PIGU: variants seen among roughly 807,000 people sequenced by gnomAD.
PIGU encodes the protein GPI-anchor transamidase component PIGU.
A neutral mutation model predicts 49.9 loss-of-function variants in PIGU; 24 were observed. That is an observed-to-expected ratio of 0.48 (90% CI 0.35 to 0.68). The LOEUF (loss-of-function observed/expected upper bound fraction) is 0.68. PIGU is among the 30% of genes least tolerant of loss of function. The pLI, the probability that PIGU is intolerant of heterozygous loss-of-function variation, is 0.01. For missense variants in PIGU, 490 were observed against 532.6 expected (o/e 0.92, Z 0.79); for synonymous variants, 220 against 205.7 (o/e 1.07, Z -0.59).
At chr20:34,625,712 CAAAA>C (rs536868098) in intron 6 of PIGU, among the ~76,000 whole-genome samples, 3 of 84,314 alleles carry the variant, frequency 3.6e-5, no homozygotes, top group Admixed American at 1.4e-4. Flanking sequence ...GACTCTGTCT[CAAAA>C]AAAAAAAAAA....
At chr20:34,658,432 G>A (rs1242060480) in intron 1 of PIGU, among the ~76,000 whole-genome samples, 2 of 152,186 alleles carry the variant, frequency 1.3e-5, no homozygotes, top group Admixed American at 6.5e-5. Context: ...GGGAAGTGAG[G>A]AGCATCTCTG....
intron 8 of PIGU, 104 bp downstream of exon 8, chr20:34,588,349 C>A: frequency 3.0e-6 from 3 of 1,016,354 alleles, no homozygotes; most frequent in Non-Finnish European, 4.1e-6. Context: ...AATGTTCATA[C>A]AGTTTTCCAT....
At chr20:34,661,556 T>C (rs1405382816) in intron 1 of PIGU, among the ~76,000 whole-genome samples, 1 of 152,152 alleles carries the variant, frequency 6.6e-6, no homozygotes, top group African/African-American at 2.4e-5. Context: ...TCTTTTTTTT[T>C]TTTTAATGCT....
intron 1 of PIGU, among the ~76,000 whole-genome samples, chr20:34,659,749 T>C (rs1473071593): frequency 2.0e-5 from 3 of 152,216 alleles, no homozygotes; most frequent in Non-Finnish European, 2.9e-5. Context: ...TCTGTGACCT[T>C]ACCCCCAACC....
rs577060793 is a variant in PIGU, at chr20:34,592,115, G to A, written c.628-3508C>T. Among the ~76,000 whole-genome samples the A allele has an allele frequency of 5.5e-4, 84 of 151,898 alleles. No individual in the cohort carries two copies. The South Asian group carries it at 5.8e-3, about 11-fold the overall frequency. On this transcript the variant is annotated intron_variant, in intron 7 of 11. Coordinates refer to ENST00000217446, the MANE Select transcript of PIGU (RefSeq NM_080476.5). ...GAGGCAGGAGAATGGCGTGAACCTG[G>A]GAGGTGGAGCTTGCAGTGAGCCGAG...
At chr20:34,607,788 C>T (rs1229852310) in intron 7 of PIGU, among the ~76,000 whole-genome samples, 1 of 152,188 alleles carries the variant, frequency 6.6e-6, no homozygotes, top group African/African-American at 2.4e-5. Context: ...GAGTTGTGCA[C>T]AGAGTCTGTG....
At chr20:34,612,493 C>T (rs553611571) in intron 7 of PIGU, among the ~76,000 whole-genome samples, 9 of 151,718 alleles carry the variant, frequency 5.9e-5, no homozygotes, top group Admixed American at 5.3e-4. Flanking sequence ...AACAAACCTG[C>T]GCATTCAGCA....
In PIGU at chr20:34,560,883, T is replaced by C. The variant is rs1982466487; in HGVS notation, c.1291A>G (p.Met431Val). The C allele has an allele frequency of 1.9e-6, 3 of 1,609,476 alleles. No individual in the cohort carries two copies. The highest frequency in any genetic ancestry group is 2.5e-6 in the Non-Finnish European group (3 of 1,176,922). ...YLTAKDGTEA[M>V]LVLK ...AGCCAGGCCTACTTGAGCACGAGCA[T>C]GGCCTCTGTGCCATCCTTGGCGGTC... The change falls in exon 12 of 12, where the codon ATG becomes GTG. Residue 431 changes from methionine (M) to valine (V), a missense_variant. By Grantham distance (21) the Met-to-Val change is conservative. Transcript: ENST00000217446.
chr20:34,575,854 G>A (rs1011806922), intron 10 of PIGU, among the ~76,000 whole-genome samples: 6 of 152,142 alleles, frequency 3.9e-5, no homozygotes, highest in Non-Finnish European at 7.3e-5. Flanking sequence ...AGGGAATGCC[G>A]AATCCCACCA....
Position 34,658,422 on chromosome 20 carries a change from G to A in PIGU, c.131-1178C>T, listed in dbSNP as rs1296478972. On this transcript the variant is annotated intron_variant, in intron 1 of 11. Coordinates refer to ENST00000217446, the MANE Select transcript of PIGU (RefSeq NM_080476.5). ...CCTCTGCCCGGCCGCCACCCCGTCT[G>A]GGAAGTGAGGAGCATCTCTGCCTGG... 4.6e-5 allele frequency among the ~76,000 whole-genome samples: 7 copies of A among 152,166 alleles called. No individual in the cohort carries two copies. In the East Asian group the frequency reaches 1.2e-3, roughly 25 times the overall value.
At chr20:34,631,239 A>G (rs1197945133) in intron 6 of PIGU, among the ~76,000 whole-genome samples, 1 of 152,166 alleles carries the variant, frequency 6.6e-6, no homozygotes, top group African/African-American at 2.4e-5. Context: ...AGATAAAAAC[A>G]AGGAAATGTC....
chr20:34,657,822 G>A (rs888151089), intron 1 of PIGU, among the ~76,000 whole-genome samples: 5 of 152,080 alleles, frequency 3.3e-5, no homozygotes, highest in African/African-American at 1.2e-4. Context: ...TAATCTGAAT[G>A]TCCATTAATG....
intron 1 of PIGU, among the ~76,000 whole-genome samples, chr20:34,674,310 G>T (rs1419009385): frequency 6.7e-6 from 1 of 148,868 alleles, no homozygotes; most frequent in Non-Finnish European, 1.5e-5. Flanking sequence ...AGCCGAGATC[G>T]CGCCATTGCA....
At chr20:34,660,706 T>G (rs1474361565) in intron 1 of PIGU, among the ~76,000 whole-genome samples, 3 of 152,218 alleles carry the variant, frequency 2.0e-5, no homozygotes, top group Admixed American at 2.0e-4. Flanking sequence ...TATGTACAAC[T>G]ACTAGGTATC....
chr20:34,656,430 CCACT>C, intron 2 of PIGU, among the ~76,000 whole-genome samples: 1 of 121,832 alleles, frequency 8.2e-6, no homozygotes, highest in Non-Finnish European at 1.8e-5. Context: ...CTACAGGCGC[CCACT>C]ACCGCGCCCA....
At chr20:34,640,572 G>T (rs1054043794) in intron 4 of PIGU, among the ~76,000 whole-genome samples, 1 of 151,024 alleles carries the variant, frequency 6.6e-6, no homozygotes, top group Non-Finnish European at 1.5e-5. Context: ...TGAAGTTAGG[G>T]TATATATTAA....
At position 34,588,362 on chromosome 20, in the gene PIGU, T is replaced by C. The variant is rs983350822; in HGVS notation, c.782+91A>G. 4.4e-6 allele frequency: 5 copies of C among 1,137,348 alleles called. No homozygotes were observed. In the Admixed American group the frequency reaches 1.2e-4, roughly 27 times the overall value. 70.5% of individuals were successfully genotyped at this position (1,137,348 alleles called of 1,614,324 possible). On this transcript the variant is annotated intron_variant, in intron 8 of 11. Coordinates refer to ENST00000217446, the MANE Select transcript of PIGU (RefSeq NM_080476.5). ...GGAATGTTCATACAGTTTTCCATAA[T>C]GGCTGTACTAATTTACATTCTTGAC...
chr20:34,571,628 C>G (rs1313341516), intron 11 of PIGU, among the ~76,000 whole-genome samples: 1 of 152,128 alleles, frequency 6.6e-6, no homozygotes, highest in East Asian at 1.9e-4. Context: ...AAATCCCGTA[C>G]GTCTCGATGG....
intron 7 of PIGU, among the ~76,000 whole-genome samples, 186 bp downstream of exon 7, chr20:34,615,856 T>C (rs1310339142): frequency 1.3e-5 from 2 of 152,204 alleles, no homozygotes; most frequent in Non-Finnish European, 2.9e-5. Context: ...TCTACTGTAG[T>C]TGGGACTTAA....
Sources: gnomAD v4.1 joint callset for allele counts (sites outside exome capture counted in the v4.1 genomes callset) on GRCh38, gnomAD v4.1.1 for gene constraint, MANE v1.5 for transcripts, NCBI Gene and HGNC (gene_info 2026-07-23, HGNC 2026-07-21) for gene names.